The following PID1 variants were observed in gnomAD, a reference collection of about 807,000 sequenced individuals.
PID1 encodes the protein PTB-containing, cubilin and LRP1-interacting protein.
In PID1, 10 loss-of-function variants were observed where a neutral mutation model predicts 19.1. The observed-to-expected ratio is 0.52, with a 90% CI of 0.32 to 0.89. The LOEUF (loss-of-function observed/expected upper bound fraction) is 0.89, where lower values mean the gene tolerates loss of function less well. Among genes scored for constraint, PID1 ranks in the 40% least tolerant of loss-of-function variants. The pLI is 0.03. For missense variants in PID1, 248 were observed against 285.3 expected (o/e 0.87, Z 0.94); for synonymous variants, 130 against 116.0 (o/e 1.12, Z -0.78).
At chr2:229,228,107 C>A (rs1292207346) in intron 1 of PID1, 4 of 452,784 alleles carry the variant, frequency 8.8e-6, no homozygotes, top group South Asian at 6.2e-5. Flanking sequence ...GTCAACACAC[C>A]AAATCCAAGA....
intron 1 of PID1, among the ~76,000 whole-genome samples, chr2:229,226,689 C>T (rs1325758419): frequency 6.6e-6 from 1 of 152,196 alleles, no homozygotes; most frequent in Non-Finnish European, 1.5e-5. Flanking sequence ...ACTCGTGATA[C>T]TGAAAGTTCC....
intron 1 of PID1, among the ~76,000 whole-genome samples, chr2:229,165,755 G>A (rs1388451738): frequency 1.3e-5 from 2 of 152,070 alleles, no homozygotes; most frequent in Non-Finnish European, 2.9e-5. Context: ...TTTAACCAGT[G>A]CAATAAGGCA....
At chr2:229,098,097 A>G (rs2106225289) in intron 2 of PID1, among the ~76,000 whole-genome samples, 1 of 152,334 alleles carries the variant, frequency 6.6e-6, no homozygotes, top group Non-Finnish European at 1.5e-5. Flanking sequence ...AGAGCATTCA[A>G]AGAGTGCTCC....
At chr2:229,051,535 A>G (rs553242655) in intron 2 of PID1, among the ~76,000 whole-genome samples, 4 of 151,944 alleles carry the variant, frequency 2.6e-5, no homozygotes, top group African/African-American at 7.3e-5. Context: ...ACAGGGTTTC[A>G]CCATGTTGCC....
intron 2 of PID1, among the ~76,000 whole-genome samples, chr2:229,036,367 T>C (rs1314381227): frequency 6.6e-6 from 1 of 152,150 alleles, no homozygotes; most frequent in East Asian, 1.9e-4. Flanking sequence ...AAGCTAGGTT[T>C]TTTCTTTTGT....
At chr2:229,051,728 A>C (rs551671508) in intron 2 of PID1, among the ~76,000 whole-genome samples, 7 of 152,338 alleles carry the variant, frequency 4.6e-5, no homozygotes, top group Admixed American at 1.3e-4. Context: ...TTAATGAGGT[A>C]ACATGCATAA....
At chr2:229,088,001 C>T (rs994297099) in intron 2 of PID1, among the ~76,000 whole-genome samples, 1 of 152,120 alleles carries the variant, frequency 6.6e-6, no homozygotes, top group African/African-American at 2.4e-5. Context: ...CTGCACTCTG[C>T]AGAAATCCCA....
At chr2:229,220,064 G>C (rs1691932887) in intron 1 of PID1, among the ~76,000 whole-genome samples, 1 of 151,182 alleles carries the variant, frequency 6.6e-6, no homozygotes, top group Admixed American at 6.6e-5. Flanking sequence ...CTGTCACTCA[G>C]GCTGGAGTGC....
intron 1 of PID1, among the ~76,000 whole-genome samples, chr2:229,269,136 A>G (rs1690669414): frequency 5.3e-5 from 8 of 150,738 alleles, no homozygotes; most frequent in Admixed American, 5.3e-4. Context: ...CCTGTTGGTA[A>G]GGACCTTCCA....
intron 2 of PID1, among the ~76,000 whole-genome samples, chr2:229,150,721 A>G (rs1481481367): frequency 6.6e-6 from 1 of 152,114 alleles, no homozygotes; most frequent in African/African-American, 2.4e-5. Context: ...TTGCTTTAAC[A>G]GTATAAGCAC....
At chr2:229,215,508 T>A (rs1261728595) in intron 1 of PID1, among the ~76,000 whole-genome samples, 2 of 152,206 alleles carry the variant, frequency 1.3e-5, no homozygotes, top group Admixed American at 1.3e-4. Context: ...ATACACTAGG[T>A]TGCAGCATGT....
intron 1 of PID1, among the ~76,000 whole-genome samples, chr2:229,249,285 C>T (rs1690084680): frequency 6.6e-6 from 1 of 152,114 alleles, no homozygotes; most frequent in South Asian, 2.1e-4. Flanking sequence ...TGTGCATTTT[C>T]CCCCATTAAC....
chr2:229,184,428 G>T (rs190351723), intron 1 of PID1, among the ~76,000 whole-genome samples: 371 of 3,230 alleles, frequency 0.11, 79 homozygotes, highest in Middle Eastern at 1. Flanking sequence ...TATATATATA[G>T]CCCGTATATA....
chr2:229,057,567 A>G (rs1694130914), intron 2 of PID1, among the ~76,000 whole-genome samples: 1 of 151,580 alleles, frequency 6.6e-6, no homozygotes, highest in African/African-American at 2.4e-5. Flanking sequence ...GAACTGAGTG[A>G]GAAAATTTTT....
At chr2:229,073,968 T>C (rs1694508643) in intron 2 of PID1, among the ~76,000 whole-genome samples, 1 of 152,246 alleles carries the variant, frequency 6.6e-6, no homozygotes, top group Admixed American at 6.5e-5. Context: ...AGAAATGGTA[T>C]GTTTTCCCAT....
intron 2 of PID1, among the ~76,000 whole-genome samples, chr2:229,128,947 C>T (rs1689648236): frequency 6.6e-6 from 1 of 152,178 alleles, no homozygotes; most frequent in African/African-American, 2.4e-5. Context: ...ATACCCCATT[C>T]TCCATGATGT....
At chr2:229,147,909 G>A (rs1334463885) in intron 2 of PID1, among the ~76,000 whole-genome samples, 1 of 152,138 alleles carries the variant, frequency 6.6e-6, no homozygotes, top group Admixed American at 6.5e-5. Context: ...TGGGGCACAT[G>A]GAAATAAGTA....
intron 2 of PID1, among the ~76,000 whole-genome samples, chr2:229,066,125 C>T (rs904613896): frequency 6.6e-6 from 1 of 152,090 alleles, no homozygotes; most frequent in Non-Finnish European, 1.5e-5. Flanking sequence ...AAACAACCAA[C>T]CAACCAAACA....
At chr2:229,210,309 G>A (rs1469931562) in intron 1 of PID1, among the ~76,000 whole-genome samples, 3 of 151,606 alleles carry the variant, frequency 2.0e-5, no homozygotes, top group Non-Finnish European at 4.4e-5. Flanking sequence ...TCAGGAGATC[G>A]AGACCATCGT....
Sources: gnomAD v4.1 joint callset for allele counts (sites outside exome capture counted in the v4.1 genomes callset) on GRCh38, gnomAD v4.1.1 for gene constraint, MANE v1.5 for transcripts, NCBI Gene and HGNC (gene_info 2026-07-23, HGNC 2026-07-21) for gene names.